SEMA6D: variants seen among roughly 807,000 people sequenced by gnomAD.
SEMA6D encodes semaphorin 6D, also known as semaphorin-6D.
In SEMA6D, 35 loss-of-function variants were observed where a neutral mutation model predicts 106.6. The observed-to-expected ratio is 0.33, with a 90% confidence interval of 0.25 to 0.44. The LOEUF (loss-of-function observed/expected upper bound fraction) is 0.44, where lower values mean the gene tolerates loss of function less well. Among genes scored for constraint, SEMA6D ranks in the 20% least tolerant of loss-of-function variants. SEMA6D has a pLI of 1.00. For missense variants in SEMA6D, 1,185 were observed against 1,345.9 expected, an observed-to-expected ratio of 0.88 and a Z score of 1.87; for synonymous variants, 499 against 487.7, an observed-to-expected ratio of 1.02 and a Z score of -0.31.
At chr15:47,436,988 A>AAGGGG (rs1215491021) in intron 2 of SEMA6D, among the ~76,000 whole-genome samples, 1 of 130,952 alleles carries the variant, frequency 7.6e-6, no homozygotes, top group Non-Finnish European at 1.6e-5. Flanking sequence ...AAGAGAAGGG[A>AAGGGG]AGGGGAGGGG....
chr15:47,367,690 GCGCACACACACACACA>G (rs2039099604), intron 1 of SEMA6D, among the ~76,000 whole-genome samples: 1 of 43,552 alleles, frequency 2.3e-5, no homozygotes, highest in African/African-American at 8.6e-5. Context: ...GCGCGCGCGC[GCGCACACACACACACA>G]CACACACACA....
intron 2 of SEMA6D, among the ~76,000 whole-genome samples, chr15:47,418,658 A>G (rs145499619): frequency 9.7e-4 from 147 of 152,256 alleles, no homozygotes; most frequent in Admixed American, 7.6e-3. Context: ...TTGGCGGAAC[A>G]TGAACATTCA....
chr15:47,210,085 C>T (rs1456407111), intron 1 of SEMA6D, among the ~76,000 whole-genome samples: 1 of 152,152 alleles, frequency 6.6e-6, no homozygotes, highest in African/African-American at 2.4e-5. Flanking sequence ...ACCCAATGAC[C>T]TACCCTTTAA....
At chr15:47,592,783 C>G (rs1354360464) in intron 3 of SEMA6D, among the ~76,000 whole-genome samples, 1 of 152,160 alleles carries the variant, frequency 6.6e-6, no homozygotes, top group East Asian at 1.9e-4. Flanking sequence ...TAACTGTAGT[C>G]CATAATACAT....
chr15:47,568,863 A>AG (rs1157355265), intron 3 of SEMA6D, among the ~76,000 whole-genome samples: 3 of 152,118 alleles, frequency 2.0e-5, no homozygotes, highest in Non-Finnish European at 4.4e-5. Context: ...ACTATAGAGC[A>AG]GTATGTTATT....
At chr15:47,515,507 A>C (rs2044360181) in intron 3 of SEMA6D, among the ~76,000 whole-genome samples, 1 of 152,206 alleles carries the variant, frequency 6.6e-6, no homozygotes, top group South Asian at 2.1e-4. Context: ...GATGAATGCA[A>C]TAGAGATATT....
intron 3 of SEMA6D, among the ~76,000 whole-genome samples, chr15:47,500,047 A>G (rs2043799841): frequency 6.6e-6 from 1 of 152,192 alleles, no homozygotes; most frequent in African/African-American, 2.4e-5. Context: ...TGACACTGCA[A>G]TACTACTAGA....
chr15:47,540,591 G>A (rs2045325430), intron 3 of SEMA6D, among the ~76,000 whole-genome samples: 1 of 152,178 alleles, frequency 6.6e-6, no homozygotes, highest in South Asian at 2.1e-4. Flanking sequence ...ATGTGTGCGT[G>A]GATGGTGTCC....
chr15:47,767,754 G>A (rs2082419888), intron 17 of SEMA6D, among the ~76,000 whole-genome samples: 1 of 152,170 alleles, frequency 6.6e-6, no homozygotes, highest in South Asian at 2.1e-4. Context: ...CTTACATTTT[G>A]AGGGAAAATC....
chr15:47,354,076 T>C (rs1390219007), intron 1 of SEMA6D, among the ~76,000 whole-genome samples: 2 of 151,418 alleles, frequency 1.3e-5, no homozygotes, highest in Admixed American at 1.3e-4. Flanking sequence ...CATATATATA[T>C]GTATAGAATG....
At chr15:47,407,486 C>T (rs2040634437) in intron 1 of SEMA6D, among the ~76,000 whole-genome samples, 1 of 150,366 alleles carries the variant, frequency 6.7e-6, no homozygotes, top group Non-Finnish European at 1.5e-5. Context: ...TGATTTTCAT[C>T]ATTATTTTGG....
chr15:47,638,367 T>C (rs1020673284), intron 4 of SEMA6D, among the ~76,000 whole-genome samples: 1 of 152,206 alleles, frequency 6.6e-6, no homozygotes, highest in Non-Finnish European at 1.5e-5. Flanking sequence ...AACTCAGGAA[T>C]ATTGTAGCAT....
chr15:47,488,189 C>CACATGGTTG (rs1368003420), intron 3 of SEMA6D, among the ~76,000 whole-genome samples: 1 of 152,016 alleles, frequency 6.6e-6, no homozygotes, highest in African/African-American at 2.4e-5. Flanking sequence ...ATCTTCTTTG[C>CACATGGTTG]ACATGGTTGA....
intron 4 of SEMA6D, among the ~76,000 whole-genome samples, chr15:47,632,188 T>C (rs2077304805): frequency 6.6e-6 from 1 of 152,042 alleles, no homozygotes; most frequent in East Asian, 1.9e-4. Context: ...ATTTAATTTA[T>C]TTTAAAATTG....
chr15:47,459,029 T>C (rs1229289269), intron 2 of SEMA6D, among the ~76,000 whole-genome samples: 1 of 152,036 alleles, frequency 6.6e-6, no homozygotes, highest in Non-Finnish European at 1.5e-5. Flanking sequence ...TTCTAACCCA[T>C]TACCTATGGT....
At chr15:47,427,402 G>A (rs76631529) in intron 2 of SEMA6D, among the ~76,000 whole-genome samples, 1 of 152,242 alleles carries the variant, frequency 6.6e-6, no homozygotes, top group Non-Finnish European at 1.5e-5. Flanking sequence ...CAGGTTAAAT[G>A]CGCTGAGAAA....
chr15:47,367,761 A>G lies in SEMA6D; in HGVS notation c.-238-44632A>G, dbSNP rs1303626510. ...AGAAAGAGAGAGAGAGTTTAATACA[A>G]TTGGCTTCATTATTAAATAATACTG... On this transcript the variant is annotated intron_variant, in intron 1 of 19. Coordinates refer to the SEMA6D transcript ENST00000558014. 2.6e-5 allele frequency among the ~76,000 whole-genome samples: 4 copies of G among 151,772 alleles called. No homozygotes were observed. The South Asian group carries it at 8.3e-4, about 32-fold the overall frequency.
intron 1 of SEMA6D, among the ~76,000 whole-genome samples, chr15:47,270,034 G>A (rs1595591104): frequency 1.3e-5 from 2 of 151,002 alleles, no homozygotes; most frequent in South Asian, 2.1e-4. Context: ...TCTCAGATAC[G>A]TTTCATAGTT....
At chr15:47,684,401 A>T (rs777231676) in intron 4 of SEMA6D, among the ~76,000 whole-genome samples, 5 of 152,092 alleles carry the variant, frequency 3.3e-5, no homozygotes, top group Non-Finnish European at 5.9e-5. Context: ...TATATTCTTC[A>T]AGATTATATT....
Sources: gnomAD v4.1 joint callset for allele counts (sites outside exome capture counted in the v4.1 genomes callset) on GRCh38, gnomAD v4.1.1 for gene constraint, MANE v1.5 for transcripts, NCBI Gene and HGNC (gene_info 2026-07-23, HGNC 2026-07-21) for gene names.